The following PPHLN1 variants were observed in gnomAD, a reference collection of about 807,000 sequenced individuals.
PPHLN1 encodes periphilin 1.
Under a neutral mutation model 51.3 loss-of-function variants are expected in PPHLN1, and 29 were observed. The observed-to-expected ratio is 0.57, with a 90% CI of 0.42 to 0.77. The LOEUF is 0.77. Among genes scored for constraint, PPHLN1 ranks in the 30% least tolerant of loss-of-function variants. The pLI is 0.00. For missense variants in PPHLN1, 436 were observed against 438.4 expected (o/e 0.99, Z 0.05); for synonymous variants, 147 against 147.8 (o/e 0.99, Z 0.04).
In PPHLN1 at chr12:42,399,100, C is replaced by A. The variant is rs1168607542; in HGVS notation, c.909+106C>A. The A allele has an allele frequency of 2.7e-6, 4 of 1,485,612 alleles. No individual in the cohort carries two copies. In the East Asian group the frequency reaches 9.3e-5, roughly 35 times the overall value. The allele number at this position is 1,485,612 out of a possible 1,614,324, so 92.0% of individuals were successfully genotyped here. A position where few individuals can be genotyped will look rare whatever the true frequency, so the allele number is the denominator to read the frequency against. On this transcript the variant is annotated intron_variant, in intron 9 of 9. Coordinates refer to ENST00000358314, the MANE Select transcript of PPHLN1 (RefSeq NM_201439.2). ...TTCATTTCTTTTTCCACCTGTAACT[C>A]TAAAACTACAACTTAAAAAATTATA...
intron 1 of PPHLN1, among the ~76,000 whole-genome samples, chr12:42,326,916 C>G (rs1045654259): frequency 5.9e-5 from 9 of 152,220 alleles, no homozygotes; most frequent in African/African-American, 2.2e-4. Context: ...ACAGCCTCTC[C>G]TGGAGCCTGC....
intron 1 of PPHLN1, among the ~76,000 whole-genome samples, chr12:42,326,662 T>C (rs1565703661): frequency 6.6e-6 from 1 of 152,190 alleles, no homozygotes; most frequent in Admixed American, 6.5e-5. Context: ...GAGAGTTGGA[T>C]TCACAGAATG....
chr12:42,381,663 C>T (rs557557948), intron 5 of PPHLN1, among the ~76,000 whole-genome samples: 1 of 152,144 alleles, frequency 6.6e-6, no homozygotes, highest in African/African-American at 2.4e-5. Context: ...TCTCCATTTT[C>T]TAATTCATAT....
intron 9 of PPHLN1, among the ~76,000 whole-genome samples, chr12:42,439,721 CTGTT>C (rs1219453905): frequency 6.6e-6 from 1 of 152,164 alleles, no homozygotes; most frequent in Non-Finnish European, 1.5e-5. Context: ...CTAACACTGT[CTGTT>C]TGTTGGCCAG....
intron 9 of PPHLN1, among the ~76,000 whole-genome samples, chr12:42,414,713 C>G (rs541886785): frequency 1.6e-4 from 24 of 152,128 alleles, no homozygotes; most frequent in Non-Finnish European, 2.6e-4. Flanking sequence ...ATATAGTCAT[C>G]GTTGACGAAC....
intron 9 of PPHLN1, among the ~76,000 whole-genome samples, chr12:42,439,709 C>T (rs1448736211): frequency 6.6e-6 from 1 of 152,164 alleles, no homozygotes; most frequent in African/African-American, 2.4e-5. Flanking sequence ...GACAGCGTTT[C>T]ACTAACACTG....
intron 2 of PPHLN1, among the ~76,000 whole-genome samples, chr12:42,349,102 A>G (rs181349633): frequency 4.7e-4 from 72 of 152,336 alleles, no homozygotes; most frequent in African/African-American, 1.6e-3. Context: ...TGAATAGTAT[A>G]TAGTCATTTA....
intron 7 of PPHLN1, among the ~76,000 whole-genome samples, chr12:42,390,801 T>C (rs1015061988): frequency 1.3e-5 from 2 of 151,616 alleles, no homozygotes; most frequent in African/African-American, 4.8e-5. Flanking sequence ...TGCATTTTTT[T>C]TTTCACAGAC....
chr12:42,414,774 C>G (rs1039600886), intron 9 of PPHLN1, among the ~76,000 whole-genome samples: 3 of 152,184 alleles, frequency 2.0e-5, no homozygotes, highest in African/African-American at 7.2e-5. Flanking sequence ...TTATTTCTTT[C>G]GCTTGCCTGA....
chr12:42,445,271 C>T (rs1259885610), downstream of PPHLN1: 3 of 595,536 alleles, frequency 5.0e-6, no homozygotes, highest in Non-Finnish European at 9.0e-6. Context: ...AATTTTTCCA[C>T]CAAAATTAGA....
downstream of PPHLN1, chr12:42,444,918 C>T (rs2083220468): frequency 1.6e-6 from 1 of 611,340 alleles, no homozygotes; most frequent in Non-Finnish European, 2.9e-6. Flanking sequence ...ACATAACTCC[C>T]TCACTCCATC....
Position 42,350,627 on chromosome 12 carries a change from A to C in PPHLN1, c.73-1258A>C, listed in dbSNP as rs1396999218. ...GCCAAGGCAGGCGGCTGGGAGGTGG[A>C]GGTTGTAGCGAGCGGAGATCACGCC... is the stretch of plus-strand genomic sequence containing the variant. On this transcript the variant is annotated intron_variant, in intron 2 of 9. Coordinates refer to ENST00000358314, the MANE Select transcript of PPHLN1 (RefSeq NM_201439.2). Among the ~76,000 whole-genome samples the C allele has an allele frequency of 5.3e-5, 8 of 152,200 alleles. 1 individual carries two copies. Among genetic ancestry groups the C allele is most frequent in the African/African-American group, 1.9e-4 (8 of 41,536 alleles).
intron 4 of PPHLN1, among the ~76,000 whole-genome samples, chr12:42,362,218 AT>A (rs973442345): frequency 1.3e-5 from 2 of 150,944 alleles, no homozygotes; most frequent in Admixed American, 6.6e-5. Flanking sequence ...GAGTTTTTTG[AT>A]TTTTTTTAAC....
At chr12:42,434,678 G>A (rs61926597) in intron 9 of PPHLN1, among the ~76,000 whole-genome samples, 22,859 of 152,056 alleles carry the variant, frequency 0.15, 1,777 homozygotes, top group Admixed American at 0.2. Context: ...ATAAATTACT[G>A]TTTCTTTATG....
At chr12:42,363,584 C>T (rs751128772) in intron 4 of PPHLN1, among the ~76,000 whole-genome samples, 22 of 151,698 alleles carry the variant, frequency 1.5e-4, no homozygotes, top group African/African-American at 4.6e-4. Context: ...GATTAAATAA[C>T]AGCTAATGGA....
At chr12:42,432,101 G>C in intron 9 of PPHLN1, 1 of 1,516,796 alleles carries the variant, frequency 6.6e-7, no homozygotes, top group South Asian at 1.1e-5. Flanking sequence ...AAACACTTCT[G>C]CATCTTCCTC....
At chr12:42,385,085 A>AC in intron 6 of PPHLN1, 89 bp downstream of exon 6, 1 of 1,321,548 alleles carries the variant, frequency 7.6e-7, no homozygotes, top group African/African-American at 1.4e-5. Context: ...AAAGTGTATA[A>AC]CTGCTCCATT....
intron 9 of PPHLN1, among the ~76,000 whole-genome samples, chr12:42,421,539 GGTTTCACCGTGTT>G (rs2081009584): frequency 1.3e-5 from 2 of 152,000 alleles, no homozygotes; most frequent in African/African-American, 2.4e-5. Context: ...GTAGCGATGG[GGTTTCACCGTGTT>G]GTTCAGGCTG....
intron 4 of PPHLN1, among the ~76,000 whole-genome samples, chr12:42,371,846 AT>A (rs1306123606): frequency 6.6e-6 from 1 of 152,194 alleles, no homozygotes; most frequent in African/African-American, 2.4e-5. Flanking sequence ...AAATGCTAAA[AT>A]TAATTTGACC....
Sources: gnomAD v4.1 joint callset for allele counts (sites outside exome capture counted in the v4.1 genomes callset) on GRCh38, gnomAD v4.1.1 for gene constraint, MANE v1.5 for transcripts, NCBI Gene and HGNC (gene_info 2026-07-23, HGNC 2026-07-21) for gene names.